The following WIPF2 variants were observed in gnomAD, a reference collection of about 807,000 sequenced individuals.
WIPF2 encodes WAS/WASL interacting protein family member 2.
In WIPF2, 23 loss-of-function variants were observed where a neutral mutation model predicts 38.8. That is an observed-to-expected ratio of 0.59 (90% CI 0.43 to 0.84). The LOEUF is 0.84. WIPF2 is among the 40% of genes least tolerant of loss of function. The pLI, the probability that WIPF2 is intolerant of heterozygous loss-of-function variation, is 0.00. For synonymous variants in WIPF2, 210 were observed against 223.2 expected, an observed-to-expected ratio of 0.94 and a Z score of 0.53; for missense variants, 574 against 580.5, an observed-to-expected ratio of 0.99 and a Z score of 0.11.
rs983614479 is a variant in WIPF2 at position 40,280,895 on chromosome 17, A to G, written c.*2670A>G. On this transcript the variant is annotated 3_prime_UTR_variant, in exon 8 of 8. Coordinates refer to ENST00000323571, the MANE Select transcript of WIPF2 (RefSeq NM_133264.5). ...TTTTTTTAGAGCATGTTGATGATAC[A>G]ACACCTGTTTAAATGTCTGCCTTAT... is the stretch of plus-strand genomic sequence containing the variant. 6.6e-6 allele frequency: 1 copy of G among 152,594 alleles called. No homozygotes were observed. The highest frequency in any genetic ancestry group is 2.4e-5 in the African/African-American group (1 of 41,428). The allele number at this position is 152,594 out of a possible 1,614,324, so 9.5% of individuals were successfully genotyped here. A position where few individuals can be genotyped will look rare whatever the true frequency, so the allele number is the denominator to read the frequency against.
intron 1 of WIPF2, among the ~76,000 whole-genome samples, chr17:40,224,406 A>ATTTTTT (rs67838907): frequency 1.1e-4 from 10 of 89,098 alleles, no homozygotes; most frequent in Admixed American, 2.4e-4. Context: ...GATTTTTTGT[A>ATTTTTT]TTTTTTTTTT....
chr17:40,256,424 G>A lies in WIPF2; in HGVS notation c.-36G>A, dbSNP rs779951814. ...ATGACCTAAAGGTACAAATAAAGAC[G>A]GAGAGAGAACAGTGCCAACTGGGAG... On this transcript the variant is annotated 5_prime_UTR_variant, in exon 2 of 8. Transcript: ENST00000323571. 1.1e-5 allele frequency: 17 copies of A among 1,593,458 alleles called. No homozygotes were observed. The highest frequency in any genetic ancestry group is 4.1e-5 in the African/African-American group (3 of 73,568).
rs1567716394 is a variant in WIPF2, at chr17:40,250,217, A to ATTTTTT, written c.-69-6173_-69-6172insTTTTTT. Reference sequence around the variant, plus strand: ...GAGGATGTGCAAAGCGAATTTTATCATGTTTTTTTTTTTTTTTTTTTTTTT... The same window carrying ATTTTTT: ...GAGGATGTGCAAAGCGAATTTTATCATTTTTTTGTTTTTTTTTTTTTTTTTTTTTTT... On this transcript the variant is annotated intron_variant, in intron 1 of 7. Transcript: ENST00000323571. 2.7e-4 allele frequency among the ~76,000 whole-genome samples: 22 copies of ATTTTTT among 80,294 alleles called. 1 individual carries two copies. Among genetic ancestry groups the ATTTTTT allele is most frequent in the African/African-American group, 8.9e-4 (18 of 20,152 alleles). The allele number at this position is 80,294 out of a possible 152,430, so 52.7% of individuals were successfully genotyped here. A position where few individuals can be genotyped will look rare whatever the true frequency, so the allele number is the denominator to read the frequency against.
intron 1 of WIPF2, among the ~76,000 whole-genome samples, chr17:40,241,263 G>A (rs987862512): frequency 6.6e-6 from 1 of 152,098 alleles, no homozygotes; most frequent in Admixed American, 6.6e-5. Flanking sequence ...TTTTTAAAGT[G>A]TGTTTGTTTT....
In WIPF2 at chr17:40,282,177, C is replaced by A. The variant is rs1274574034; in HGVS notation, c.*3952C>A. 6.6e-6 allele frequency: 1 copy of A among 151,268 alleles called. No homozygotes were observed. The highest frequency in any genetic ancestry group is 2.4e-5 in the African/African-American group (1 of 41,120). 9.4% of individuals were successfully genotyped at this position (151,268 alleles called of 1,614,324 possible). On this transcript the variant is annotated 3_prime_UTR_variant, in exon 8 of 8. Coordinates refer to ENST00000323571, the MANE Select transcript of WIPF2 (RefSeq NM_133264.5). ...GGAAGGGTTTGGTTCCATTCAACTC[C>A]ACATTCATTGTGCCTTTACTTGCAT...
At chr17:40,263,288 G>A (rs1454383587) in intron 4 of WIPF2, among the ~76,000 whole-genome samples, 1 of 152,000 alleles carries the variant, frequency 6.6e-6, no homozygotes, top group African/African-American at 2.4e-5. Flanking sequence ...TAAGGGGCAT[G>A]CAACCTAGAT....
chr17:40,237,927 G>A (rs2031040762), intron 1 of WIPF2, among the ~76,000 whole-genome samples: 2 of 149,348 alleles, frequency 1.3e-5, no homozygotes, highest in African/African-American at 4.9e-5. Context: ...TTAGCCAGGT[G>A]TGGTGACGTG....
intron 1 of WIPF2, among the ~76,000 whole-genome samples, chr17:40,234,829 G>A (rs2030893580): frequency 6.6e-6 from 1 of 152,110 alleles, no homozygotes; most frequent in South Asian, 2.1e-4. Flanking sequence ...CCACATGTCT[G>A]CCATCTGTCC....
intron 1 of WIPF2, among the ~76,000 whole-genome samples, chr17:40,231,941 T>G (rs978804764): frequency 2.0e-5 from 3 of 150,984 alleles, no homozygotes; most frequent in Non-Finnish European, 4.4e-5. Flanking sequence ...CTTTCTTTTT[T>G]TTTTTTTTTT....
chr17:40,220,573 G>GTGTGTGTGTA (rs1431477384), intron 1 of WIPF2: 9 of 77,114 alleles, frequency 1.2e-4, no homozygotes, highest in African/African-American at 4.6e-4. Context: ...GTGTGTGTGT[G>GTGTGTGTGTA]TATATATATA....
intron 1 of WIPF2, among the ~76,000 whole-genome samples, chr17:40,255,837 A>G (rs2031708050): frequency 1.3e-5 from 2 of 149,572 alleles, no homozygotes; most frequent in African/African-American, 4.9e-5. Flanking sequence ...CATGTTAGCC[A>G]GGATGGTCTC....
chr17:40,231,402 G>C (rs2030732720), intron 1 of WIPF2, among the ~76,000 whole-genome samples: 1 of 150,264 alleles, frequency 6.7e-6, no homozygotes, highest in African/African-American at 2.4e-5. Context: ...CCTTCTATCT[G>C]ACTGTTCTCT....
intron 1 of WIPF2, among the ~76,000 whole-genome samples, chr17:40,237,936 T>G (rs1343165112): frequency 2.8e-5 from 4 of 142,966 alleles, no homozygotes; most frequent in East Asian, 2.3e-4. Flanking sequence ...TGTGGTGACG[T>G]GCGCCTGTAA....
At position 40,278,397 on chromosome 17, in the gene WIPF2, C is replaced by T. The variant is rs1598505248; in HGVS notation, c.*172C>T. 1 of 713,280 alleles carries T rather than the reference C, an allele frequency of 1.4e-6. No homozygotes were observed. The highest frequency in any genetic ancestry group is 2.7e-5 in the East Asian group (1 of 36,436). 44.2% of individuals were successfully genotyped at this position (713,280 alleles called of 1,614,324 possible). A position where few individuals can be genotyped will look rare whatever the true frequency, so the allele number is the denominator to read the frequency against. ...TCACCTCCATCTATGCATCTCATCT[C>T]TGGATTTGGTGATCAGACTCTATAT... is the stretch of plus-strand genomic sequence containing the variant. On this transcript the variant is annotated 3_prime_UTR_variant, in exon 8 of 8. Coordinates refer to ENST00000323571, the MANE Select transcript of WIPF2 (RefSeq NM_133264.5).
chr17:40,240,192 G>T (rs986067612), intron 1 of WIPF2, among the ~76,000 whole-genome samples: 1 of 151,656 alleles, frequency 6.6e-6, no homozygotes, highest in Non-Finnish European at 1.5e-5. Context: ...CTCCCAAGTC[G>T]CTGGCAACTA....
chr17:40,263,452 T>C (rs554558635), intron 4 of WIPF2, among the ~76,000 whole-genome samples: 2 of 152,130 alleles, frequency 1.3e-5, no homozygotes, highest in African/African-American at 4.8e-5. Context: ...TACAGGTGCA[T>C]GGCCCCAGGG....
intron 5 of WIPF2, among the ~76,000 whole-genome samples, chr17:40,265,380 T>C (rs1404702375): frequency 6.6e-6 from 1 of 152,178 alleles, no homozygotes; most frequent in Non-Finnish European, 1.5e-5. Context: ...TTTAGAGAAT[T>C]ACAAAGCAGA....
At chr17:40,260,874 C>G in intron 3 of WIPF2, 1 of 655,956 alleles carries the variant, frequency 1.5e-6, no homozygotes, top group Non-Finnish European at 2.6e-6. Context: ...ACCATCTCAC[C>G]GGGCATGGTG....
intron 2 of WIPF2, 74 bp from the exon 3 acceptor site, chr17:40,260,461 A>G: frequency 6.4e-7 from 1 of 1,560,126 alleles, no homozygotes; most frequent in Non-Finnish European, 8.7e-7. Flanking sequence ...TGTTGGGATT[A>G]CAGGCGTGAG....
Sources: allele counts gnomAD v4.1 joint callset (sites outside exome capture counted in the v4.1 genomes callset), GRCh38; gene constraint gnomAD v4.1.1; transcripts MANE v1.5; gene names NCBI Gene and HGNC (gene_info 2026-07-23, HGNC 2026-07-21).